Variants in PAQR5 observed in about 807,000 individuals in gnomAD.
PAQR5 encodes the protein membrane progestin receptor gamma.
Under a neutral mutation model 34.5 loss-of-function variants are expected in PAQR5, and 20 were observed. The ratio of observed to expected loss-of-function variants is 0.58; its 90% CI spans 0.41 to 0.84. The LOEUF (loss-of-function observed/expected upper bound fraction) is 0.84. Among genes scored for constraint, PAQR5 ranks in the 40% least tolerant of loss-of-function variants. PAQR5 has a pLI of 0.00. For missense variants in PAQR5, 378 were observed against 412.7 expected (o/e 0.92, Z 0.73); for synonymous variants, 131 against 155.6 (o/e 0.84, Z 1.18).
In PAQR5 at chr15:69,403,951, T is replaced by C. The variant is rs2056710776; in HGVS notation, c.*129T>C. 2 of 986,776 alleles carry C rather than the reference T, an allele frequency of 2.0e-6. No homozygotes were observed. The highest frequency in any genetic ancestry group is 1.6e-5 in the African/African-American group (1 of 61,252). The allele number at this position is 986,776 out of a possible 1,614,324, so 61.1% of individuals were successfully genotyped here. A position where few individuals can be genotyped will look rare whatever the true frequency, so the allele number is the denominator to read the frequency against. On this transcript the variant is annotated 3_prime_UTR_variant, in exon 9 of 9. Coordinates refer to ENST00000395407, the MANE Select transcript of PAQR5 (RefSeq NM_017705.4). ...TAATGGTTGGTGTCTTTTGAATGAA[T>C]TCATGTCAAAAATGTTATTCAGCTG... is the stretch of plus-strand genomic sequence containing the variant.
chr15:69,390,046 C>T (rs1011883420), intron 6 of PAQR5, among the ~76,000 whole-genome samples: 3 of 152,178 alleles, frequency 2.0e-5, no homozygotes, highest in Admixed American at 6.5e-5. Flanking sequence ...GACAAAGTCT[C>T]ACTCTGTCAC....
At chr15:69,363,609 C>T (rs953711022) in intron 3 of PAQR5, among the ~76,000 whole-genome samples, 9 of 129,062 alleles carry the variant, frequency 7.0e-5, no homozygotes, top group Admixed American at 6.8e-4. Context: ...TGCAGTGGCA[C>T]TATCATGACT....
chr15:69,362,055 C>G (rs2055248765), intron 3 of PAQR5, among the ~76,000 whole-genome samples: 1 of 151,992 alleles, frequency 6.6e-6, no homozygotes, highest in Non-Finnish European at 1.5e-5. Flanking sequence ...CAGAGTATGT[C>G]CGCAGGAAAG....
At chr15:69,394,302 A>AGCAGACATGGTTC (rs1328216557) in intron 6 of PAQR5, among the ~76,000 whole-genome samples, 1 of 152,120 alleles carries the variant, frequency 6.6e-6, no homozygotes, top group Non-Finnish European at 1.5e-5. Context: ...TAGAAGGCTC[A>AGCAGACATGGTTC]GCAGACATGG....
intron 2 of PAQR5, among the ~76,000 whole-genome samples, chr15:69,342,744 G>T (rs1000250253): frequency 6.6e-6 from 1 of 152,188 alleles, no homozygotes; most frequent in African/African-American, 2.4e-5. Flanking sequence ...AAGGAGATTA[G>T]ACAGGAGCCC....
intron 3 of PAQR5, among the ~76,000 whole-genome samples, chr15:69,363,525 A>G (rs114614129): frequency 7.0e-4 from 105 of 150,016 alleles, no homozygotes; most frequent in African/African-American, 2.6e-3. Context: ...CGAGTGTCAA[A>G]TTGCTAATCT....
chr15:69,354,763 G>T (rs1013503772), intron 2 of PAQR5, among the ~76,000 whole-genome samples: 6 of 152,120 alleles, frequency 3.9e-5, no homozygotes, highest in Non-Finnish European at 8.8e-5. Flanking sequence ...AGGAGATCGG[G>T]TTGTAAGTCC....
chr15:69,331,878 A>C (rs2054387278), intron 1 of PAQR5, among the ~76,000 whole-genome samples: 1 of 152,170 alleles, frequency 6.6e-6, no homozygotes, highest in African/African-American at 2.4e-5. Context: ...CAAATTGAGA[A>C]TCTTGCCTAT....
intron 1 of PAQR5, among the ~76,000 whole-genome samples, chr15:69,300,773 C>CCTCT (rs200065159): frequency 0.029 from 454 of 15,740 alleles, 78 homozygotes; most frequent in African/African-American, 0.062. Context: ...TTCCTCCCTC[C>CCTCT]CTCTCTCTCT....
chr15:69,369,403 G>A (rs2055493425), intron 3 of PAQR5, among the ~76,000 whole-genome samples: 1 of 152,146 alleles, frequency 6.6e-6, no homozygotes, highest in Non-Finnish European at 1.5e-5. Context: ...GAGCCTGGTG[G>A]CATGTGCCTG....
chr15:69,345,094 GAAAGAAAAGAAAAAGAAA>G (rs1266942531), intron 2 of PAQR5, among the ~76,000 whole-genome samples: 2 of 149,036 alleles, frequency 1.3e-5, no homozygotes, highest in Non-Finnish European at 3.0e-5. Flanking sequence ...ACCCTGTCGT[GAAAGAAAAGAAAAAGAAA>G]AAAGAAAAGA....
At chr15:69,399,185 C>A (rs1236723271) in intron 7 of PAQR5, among the ~76,000 whole-genome samples, 2 of 152,142 alleles carry the variant, frequency 1.3e-5, no homozygotes, top group Non-Finnish European at 2.9e-5. Context: ...GGCCTTAAAG[C>A]CTTAATTAGG....
intron 2 of PAQR5, among the ~76,000 whole-genome samples, chr15:69,355,328 CTTTCTTTCTTTCTT>C (rs2055036862): frequency 2.0e-5 from 1 of 50,732 alleles, no homozygotes; most frequent in South Asian, 6.8e-4. Flanking sequence ...TTCTTTCTTT[CTTTCTTTCTTTCTT>C]TTTTTCTTTC....
chr15:69,357,156 C>T (rs2415043), intron 2 of PAQR5, among the ~76,000 whole-genome samples: 131,307 of 152,096 alleles, frequency 0.86, 58,079 homozygotes, highest in South Asian at 0.98. Flanking sequence ...TGCAGCCTCC[C>T]TAGAAGCCAA....
At chr15:69,329,236 A>G (rs1375339830) in intron 1 of PAQR5, among the ~76,000 whole-genome samples, 1 of 152,036 alleles carries the variant, frequency 6.6e-6, no homozygotes, top group Non-Finnish European at 1.5e-5. Flanking sequence ...CTCACACATA[A>G]TTTAACCTAT....
chr15:69,389,588 C>T (rs1460145712), intron 5 of PAQR5, 66 bp from the exon 6 acceptor site: 1 of 1,603,458 alleles, frequency 6.2e-7, no homozygotes, highest in Non-Finnish European at 8.5e-7. Context: ...TGGGGACAGT[C>T]TTTGCAAGGG....
intron 1 of PAQR5, among the ~76,000 whole-genome samples, chr15:69,330,564 C>T (rs924456689): frequency 2.0e-5 from 3 of 152,152 alleles, no homozygotes; most frequent in Non-Finnish European, 4.4e-5. Context: ...GATCAATGAA[C>T]TGGCTCCTCT....
At chr15:69,381,800 C>T (rs1253939218) in intron 4 of PAQR5, among the ~76,000 whole-genome samples, 5 of 152,136 alleles carry the variant, frequency 3.3e-5, no homozygotes, top group Admixed American at 6.5e-5. Context: ...CTTTACTTCC[C>T]GCTGGGACAA....
chr15:69,303,847 G>A (rs1421780220), intron 1 of PAQR5, among the ~76,000 whole-genome samples: 2 of 152,206 alleles, frequency 1.3e-5, no homozygotes, highest in Non-Finnish European at 2.9e-5. Context: ...ATCTTGTGCA[G>A]GCCTCTACAT....
Sources: gnomAD v4.1 joint callset for allele counts (sites outside exome capture counted in the v4.1 genomes callset) on GRCh38, gnomAD v4.1.1 for gene constraint, MANE v1.5 for transcripts, NCBI Gene and HGNC (gene_info 2026-07-23, HGNC 2026-07-21) for gene names.